Variants in PARM1 observed in about 807,000 individuals in gnomAD.
The protein encoded by PARM1 is prostate androgen-regulated mucin-like protein 1, also known as WSC4, cell wall integrity and stress response component 4 homolog.
Under a neutral mutation model 24.6 loss-of-function variants are expected in PARM1, and 14 were observed. That is an observed-to-expected ratio of 0.57 (90% CI 0.38 to 0.89). The LOEUF (loss-of-function observed/expected upper bound fraction) is 0.89, where lower values mean the gene tolerates loss of function less well. Ranked by LOEUF, PARM1 falls within the 40% of genes least tolerant of loss-of-function variation. PARM1 has a pLI of 0.00. For missense variants in PARM1, 362 were observed against 380.4 expected (o/e 0.95, Z 0.40); for synonymous variants, 179 against 156.6 (o/e 1.14, Z -1.07).
chr4:75,021,412 C>G (rs184659146), intron 2 of PARM1, among the ~76,000 whole-genome samples: 3 of 152,126 alleles, frequency 2.0e-5, no homozygotes, highest in Admixed American at 2.0e-4. Flanking sequence ...GTTATAAACT[C>G]TCACTCATAT....
At chr4:74,991,860 G>C (rs1279919684) in intron 1 of PARM1, among the ~76,000 whole-genome samples, 5 of 152,142 alleles carry the variant, frequency 3.3e-5, no homozygotes, top group Non-Finnish European at 7.4e-5. Flanking sequence ...TTCAAGAACA[G>C]TAAAAGTAAT....
At chr4:75,025,447 C>T (rs528476774) in intron 2 of PARM1, among the ~76,000 whole-genome samples, 1 of 152,318 alleles carries the variant, frequency 6.6e-6, no homozygotes, top group South Asian at 2.1e-4. Context: ...TGTCAAAAGA[C>T]AGCTGAGATT....
chr4:75,020,901 CT>C (rs58899025), intron 2 of PARM1, among the ~76,000 whole-genome samples: 10,060 of 152,284 alleles, frequency 0.066, 1,127 homozygotes, highest in African/African-American at 0.23. Flanking sequence ...ATGGAGCCCC[CT>C]GTCCAGTGTT....
Position 75,012,441 on chromosome 4 carries a change from T to C in PARM1, c.60T>C (p.Ser20=), listed in dbSNP as rs373919103. Residue 20 remains serine (S), a synonymous_variant, in exon 2 of 4, where the codon AGT becomes AGC. Transcript: ENST00000307428. ...CILTAGWRVQ[S]LPTSAPLSVS... The stretch of plus-strand genomic sequence containing the variant: ...TTTCCACAGGATGGAGGGTACAGAG[T>C]CTGCCTACATCAGCTCCTTTGTCTG... 6.8e-6 allele frequency: 11 copies of C among 1,613,566 alleles called. No homozygotes were observed. The highest frequency in any genetic ancestry group is 1.3e-5 in the African/African-American group (1 of 74,832).
chr4:74,980,300 C>G (rs1177174682), intron 1 of PARM1, among the ~76,000 whole-genome samples: 2 of 152,124 alleles, frequency 1.3e-5, no homozygotes, highest in Non-Finnish European at 2.9e-5. Flanking sequence ...GCAAAAATCA[C>G]AAGCATTCCT....
intron 1 of PARM1, among the ~76,000 whole-genome samples, chr4:74,951,494 G>A (rs924805440): frequency 6.6e-6 from 1 of 152,052 alleles, no homozygotes; most frequent in Non-Finnish European, 1.5e-5. Context: ...GAACATGCAG[G>A]TTTGTTACAT....
At chr4:74,950,967 A>G (rs537002678) in intron 1 of PARM1, among the ~76,000 whole-genome samples, 2 of 152,336 alleles carry the variant, frequency 1.3e-5, no homozygotes, top group East Asian at 1.9e-4. Flanking sequence ...AACGGAGGAA[A>G]GGATGGAGGG....
chr4:75,026,767 G>T (rs995870841), intron 2 of PARM1, among the ~76,000 whole-genome samples: 2 of 152,116 alleles, frequency 1.3e-5, no homozygotes, highest in Non-Finnish European at 2.9e-5. Flanking sequence ...CAGCATTTCA[G>T]TCTCCGAATC....
At chr4:75,040,673 A>G (rs1028887764) in intron 3 of PARM1, among the ~76,000 whole-genome samples, 5 of 152,238 alleles carry the variant, frequency 3.3e-5, no homozygotes, top group Non-Finnish European at 5.9e-5. Flanking sequence ...ACAATTATGT[A>G]TCAACATTAG....
intron 1 of PARM1, among the ~76,000 whole-genome samples, chr4:74,985,329 T>C (rs1265641832): frequency 6.6e-6 from 1 of 152,196 alleles, no homozygotes; most frequent in Non-Finnish European, 1.5e-5. Context: ...GCTATGTGAT[T>C]AGCTACAGAA....
Position 74,936,456 on chromosome 4 carries a change from T to G in PARM1, c.43+3086T>G, listed in dbSNP as rs4859508. ...TTCAAGTGTTTTTTTTTTGTTTGTTTTTTTGTTTTTTTTTTGAGATGGAGT... is the reference window on the plus strand; with the variant it reads ...TTCAAGTGTTTTTTTTTTGTTTGTTGTTTTGTTTTTTTTTTGAGATGGAGT... On this transcript the variant is annotated intron_variant, in intron 1 of 3. Transcript: ENST00000307428. Among the ~76,000 whole-genome samples, 21 of 144,514 alleles carry G rather than the reference T, an allele frequency of 1.5e-4. 1 individual carries two copies. The highest frequency in any genetic ancestry group is 4.1e-4 in the East Asian group (2 of 4,896). 94.8% of individuals were successfully genotyped at this position (144,514 alleles called of 152,430 possible). A position where few individuals can be genotyped will look rare whatever the true frequency, so the allele number is the denominator to read the frequency against.
chr4:75,001,333 A>T (rs1722676765), intron 1 of PARM1, among the ~76,000 whole-genome samples: 1 of 152,264 alleles, frequency 6.6e-6, no homozygotes, highest in South Asian at 2.1e-4. Context: ...AACAGAGGTG[A>T]GTCTCACAGT....
At chr4:74,948,420 G>T (rs941032298) in intron 1 of PARM1, among the ~76,000 whole-genome samples, 2 of 152,156 alleles carry the variant, frequency 1.3e-5, no homozygotes, top group Non-Finnish European at 2.9e-5. Context: ...AGATTTAAAG[G>T]CTTTATGATC....
chr4:74,964,761 T>C (rs1179208774), intron 1 of PARM1, among the ~76,000 whole-genome samples: 1 of 152,158 alleles, frequency 6.6e-6, no homozygotes, highest in Admixed American at 6.6e-5. Context: ...TAAATATCTG[T>C]TGAATTAAAA....
rs538799535 is a variant in PARM1 at position 74,992,862 on chromosome 4, G to A, written c.44-19563G>A. ...ATTCTTCAGGTAGAAGGAAAGTGACGCCAGATGAAAATCTGGATCTAAACA... is the reference window on the plus strand; with the variant it reads ...ATTCTTCAGGTAGAAGGAAAGTGACACCAGATGAAAATCTGGATCTAAACA... On this transcript the variant is annotated intron_variant, in intron 1 of 3. Transcript: ENST00000307428. 1.6e-4 allele frequency among the ~76,000 whole-genome samples: 24 copies of A among 152,262 alleles called. No homozygotes were observed. In the East Asian group the frequency reaches 4.0e-3, roughly 26 times the overall value.
At chr4:75,005,660 C>T (rs2109789703) in intron 1 of PARM1, among the ~76,000 whole-genome samples, 1 of 152,310 alleles carries the variant, frequency 6.6e-6, no homozygotes, top group South Asian at 2.1e-4. Flanking sequence ...TTTTAAATAT[C>T]AAATGGATGT....
At chr4:75,033,814 G>C in intron 2 of PARM1, 69 bp from the exon 3 acceptor site, 2 of 1,263,826 alleles carry the variant, frequency 1.6e-6, no homozygotes, top group Non-Finnish European at 2.2e-6. Context: ...TGGATACTAC[G>C]CACGCCAAAG....
intron 1 of PARM1, among the ~76,000 whole-genome samples, chr4:74,942,693 C>T (rs548165304): frequency 6.6e-6 from 1 of 152,344 alleles, no homozygotes; most frequent in African/African-American, 2.4e-5. Context: ...ACCTCAGTTT[C>T]TCCCACTCTG....
chr4:74,973,316 A>C (rs2109766451), intron 1 of PARM1, among the ~76,000 whole-genome samples: 1 of 152,372 alleles, frequency 6.6e-6, no homozygotes, highest in Admixed American at 6.5e-5. Context: ...TACAGTACAC[A>C]TGAATATATA....
Sources: allele counts gnomAD v4.1 joint callset (sites outside exome capture counted in the v4.1 genomes callset), GRCh38; gene constraint gnomAD v4.1.1; transcripts MANE v1.5; gene names NCBI Gene and HGNC (gene_info 2026-07-23, HGNC 2026-07-21).